The following GABBR2 variants were observed in gnomAD, a reference collection of about 807,000 sequenced individuals.
The protein encoded by GABBR2 is G-protein coupled receptor 51.
In GABBR2, 23 loss-of-function variants were observed where a neutral mutation model predicts 105.6. That is an observed-to-expected ratio of 0.22 (90% CI 0.16 to 0.31). GABBR2 has a LOEUF of 0.31. GABBR2 is among the 10% of genes least tolerant of loss of function. The pLI, the probability that GABBR2 is intolerant of heterozygous loss-of-function variation, is 1.00. For synonymous variants in GABBR2, 478 were observed against 499.7 expected (o/e 0.96, Z 0.58); for missense variants, 734 against 1,245.5 (o/e 0.59, Z 6.18).
rs187625452 is a variant in GABBR2, at chr9:98,388,085, G to T, written c.1529+769C>A. Among the ~76,000 whole-genome samples the T allele has an allele frequency of 1.2e-4, 18 of 152,312 alleles. No homozygotes were observed. The highest frequency in any genetic ancestry group is 3.4e-4 in the African/African-American group (14 of 41,566). On this transcript the variant is annotated intron_variant, in intron 10 of 18. Transcript: ENST00000259455. The surrounding 1 kb of genome is among the most constrained non-coding windows in gnomAD (Gnocchi z 4.4). ...GGCTTGGGGCTGGGTTCAGGGATTTGCTATGGACACCAAAGAAGCAAAATG... is the reference window on the plus strand; with the variant it reads ...GGCTTGGGGCTGGGTTCAGGGATTTTCTATGGACACCAAAGAAGCAAAATG...
intron 13 of GABBR2, among the ~76,000 whole-genome samples, chr9:98,337,202 G>T (rs965350614): frequency 6.6e-6 from 1 of 152,172 alleles, no homozygotes; most frequent in African/African-American, 2.4e-5. Context: ...CTACTCAGGA[G>T]GCCGAGGCAC....
intron 4 of GABBR2, 146 bp from the exon 5 acceptor site, chr9:98,481,143 C>T (rs914654425): frequency 3.5e-5 from 23 of 649,270 alleles, no homozygotes; most frequent in Middle Eastern, 5.6e-4. Context: ...AACCTCACCC[C>T]CAACCCCAGC....
At chr9:98,474,331 T>A (rs1415019357) in intron 5 of GABBR2, among the ~76,000 whole-genome samples, 1 of 152,128 alleles carries the variant, frequency 6.6e-6, no homozygotes, top group East Asian at 1.9e-4. Context: ...CTCTAATTCT[T>A]ATTGTCATTA....
intron 3 of GABBR2, among the ~76,000 whole-genome samples, chr9:98,497,978 C>A (rs1478948200): frequency 6.6e-6 from 1 of 152,154 alleles, no homozygotes. Flanking sequence ...CAGAAGCAGC[C>A]CAAACGTTCA....
chr9:98,631,563 A>T (rs762142258), intron 1 of GABBR2, among the ~76,000 whole-genome samples: 6 of 152,216 alleles, frequency 3.9e-5, no homozygotes, highest in Non-Finnish European at 5.9e-5. Context: ...CAATCCTGAT[A>T]ATGTTAACAG....
At chr9:98,637,794 C>G (rs974376540) in intron 1 of GABBR2, among the ~76,000 whole-genome samples, 1 of 152,144 alleles carries the variant, frequency 6.6e-6, no homozygotes, top group East Asian at 1.9e-4. Context: ...CCCACCAAGC[C>G]CCATGTTGGG....
intron 13 of GABBR2, among the ~76,000 whole-genome samples, chr9:98,348,090 T>C (rs1313133661): frequency 6.6e-6 from 1 of 152,190 alleles, no homozygotes; most frequent in African/African-American, 2.4e-5. Context: ...CAGTCTTGGG[T>C]GTGTCTTTAT....
intron 2 of GABBR2, among the ~76,000 whole-genome samples, chr9:98,575,087 ACC>A (rs60542139): frequency 1.1e-4 from 17 of 150,244 alleles, no homozygotes; most frequent in East Asian, 5.9e-4. Context: ...AAACACCACC[ACC>A]CCCCCCCAAA....
chr9:98,350,323 T>A (rs1831376907), intron 13 of GABBR2, among the ~76,000 whole-genome samples: 1 of 152,116 alleles, frequency 6.6e-6, no homozygotes, highest in Non-Finnish European at 1.5e-5. Flanking sequence ...TCCCTTGAGG[T>A]GCATCATTAG....
intron 3 of GABBR2, among the ~76,000 whole-genome samples, chr9:98,501,163 T>TA (rs398011601): frequency 6.9e-6 from 1 of 145,920 alleles, no homozygotes; most frequent in Admixed American, 6.8e-5. Context: ...CTTTTTTTTT[T>TA]AATTAATTAA....
In GABBR2 at chr9:98,303,438, G is replaced by T. The variant is rs779722077; in HGVS notation, c.2230-15C>A. ...AGGGTGATGAGCTGAAAGGACAAAG[G>T]TTGGGGCGGGGTTGAAGAGAGAGCC... On this transcript the variant is annotated splice_polypyrimidine_tract_variant and intron_variant, in intron 15 of 18. Coordinates refer to ENST00000259455, the MANE Select transcript of GABBR2 (RefSeq NM_005458.8). 4 of 1,612,312 alleles carry T rather than the reference G, an allele frequency of 2.5e-6. No homozygotes were observed. The highest frequency in any genetic ancestry group is 1.7e-5 in the Admixed American group (1 of 59,908).
intron 1 of GABBR2, among the ~76,000 whole-genome samples, chr9:98,605,890 C>T (rs976783478): frequency 2.6e-5 from 4 of 152,114 alleles, no homozygotes; most frequent in Non-Finnish European, 2.9e-5. Context: ...TCGTCATTTA[C>T]GTTAGGTATA....
intron 7 of GABBR2, among the ~76,000 whole-genome samples, chr9:98,428,829 T>C (rs1182964840): frequency 6.6e-6 from 1 of 152,190 alleles, no homozygotes; most frequent in Non-Finnish European, 1.5e-5. Flanking sequence ...AGGCCTAGAA[T>C]GGACCTGGCC....
chr9:98,378,910 A>G (rs1019656050), intron 11 of GABBR2, among the ~76,000 whole-genome samples: 50 of 152,310 alleles, frequency 3.3e-4, no homozygotes, highest in African/African-American at 1.2e-3. Flanking sequence ...AAAGTAGATA[A>G]AAGAGTTGGG....
At chr9:98,476,436 A>G (rs571383852) in intron 5 of GABBR2, among the ~76,000 whole-genome samples, 2 of 152,342 alleles carry the variant, frequency 1.3e-5, no homozygotes, top group Non-Finnish European at 2.9e-5. Flanking sequence ...TTTCTGCCAC[A>G]TGCCTGCCAG....
chr9:98,347,063 A>T (rs1206009510), intron 13 of GABBR2, among the ~76,000 whole-genome samples: 1 of 152,170 alleles, frequency 6.6e-6, no homozygotes, highest in Non-Finnish European at 1.5e-5. Flanking sequence ...TCCTTTTGAT[A>T]TATTGATTTC....
chr9:98,476,774 C>G (rs1826802470), intron 5 of GABBR2, among the ~76,000 whole-genome samples: 1 of 152,020 alleles, frequency 6.6e-6, no homozygotes, highest in African/African-American at 2.4e-5. Flanking sequence ...TTCTAGCTGT[C>G]AGTTCTACAC....
Position 98,290,728 on chromosome 9 carries a change from G to A in GABBR2, c.2682C>T (p.Leu894=). 4 of 1,490,588 alleles carry A rather than the reference G, an allele frequency of 2.7e-6. No individual in the cohort carries two copies. The highest frequency in any genetic ancestry group is 3.5e-6 in the Non-Finnish European group (4 of 1,131,788). The allele number at this position is 1,490,588 out of a possible 1,614,324, so 92.3% of individuals were successfully genotyped here. The change falls in exon 19 of 19, where the codon CTC becomes CTT. Residue 894 remains leucine, a synonymous_variant. Transcript: ENST00000259455. ...AGGCGTGGTGGAGGATGGGGAGCTG[G>A]AGGGACAGCCGACGCTGGATGCTGA... The part of the protein sequence containing the change: ...SPEHIQRRLS[L]QLPILHHAYL...
intron 1 of GABBR2, among the ~76,000 whole-genome samples, chr9:98,617,630 A>G (rs973670751): frequency 6.6e-6 from 1 of 152,180 alleles, no homozygotes; most frequent in Admixed American, 6.5e-5. Flanking sequence ...GGGTCCCTAA[A>G]GGGATTTCTT....
Sources: allele counts gnomAD v4.1 joint callset (sites outside exome capture counted in the v4.1 genomes callset), GRCh38; gene constraint gnomAD v4.1.1; non-coding constraint Gnocchi (gnomAD v3.1); transcripts MANE v1.5; gene names NCBI Gene and HGNC (gene_info 2026-07-23, HGNC 2026-07-21).